The following PACSIN2 variants were observed in gnomAD, a reference collection of about 807,000 sequenced individuals.
PACSIN2 encodes protein kinase C and casein kinase substrate in neurons protein 2.
In PACSIN2, 25 loss-of-function variants were observed where a neutral mutation model predicts 63.8. The ratio of observed to expected loss-of-function variants is 0.39; its 90% CI spans 0.29 to 0.55. The LOEUF (loss-of-function observed/expected upper bound fraction) is 0.55. Ranked by LOEUF, PACSIN2 falls within the 20% of genes least tolerant of loss-of-function variation. The pLI is 0.62. For synonymous variants in PACSIN2, 255 were observed against 256.2 expected (o/e 1.00, Z 0.05); for missense variants, 518 against 646.9 (o/e 0.80, Z 2.16).
At chr22:42,919,583 G>T (rs571404770) in intron 1 of PACSIN2, among the ~76,000 whole-genome samples, 2 of 152,034 alleles carry the variant, frequency 1.3e-5, no homozygotes, top group South Asian at 4.2e-4. Flanking sequence ...GACCAGCCTG[G>T]CCAACATGGT....
At chr22:42,879,251 G>T in intron 7 of PACSIN2, 82 bp from the exon 8 acceptor site, 1 of 1,477,162 alleles carries the variant, frequency 6.8e-7, no homozygotes, top group Non-Finnish European at 9.2e-7. Context: ...CCTGCCCAGC[G>T]AGCCTGCAGT....
chr22:42,992,267 T>C (rs995664010), intron 1 of PACSIN2, among the ~76,000 whole-genome samples: 3 of 152,194 alleles, frequency 2.0e-5, no homozygotes, highest in Non-Finnish European at 4.4e-5. Flanking sequence ...AAAGACTACA[T>C]GTACCAAGTG....
In PACSIN2 at chr22:42,922,184, G is replaced by A. The variant is rs1226979266; in HGVS notation, c.-77-10027C>T. Among the ~76,000 whole-genome samples, 3 of 152,218 alleles carry A rather than the reference G, an allele frequency of 2.0e-5. No individual in the cohort carries two copies. In the East Asian group the frequency reaches 5.8e-4, roughly 29 times the overall value. The stretch of plus-strand genomic sequence containing the variant: ...AGCCATTCCTTAGATGGTGTGCAGA[G>A]TCTCAGAGGTTAACAGAGGTTGCTA... On this transcript the variant is annotated intron_variant, in intron 1 of 10. Transcript: ENST00000263246.
chr22:42,997,628 G>A (rs1248876969), intron 1 of PACSIN2, among the ~76,000 whole-genome samples: 1 of 151,812 alleles, frequency 6.6e-6, no homozygotes, highest in East Asian at 1.9e-4. Context: ...TGAATTGCAT[G>A]CAAAAATGTC....
At chr22:42,991,883 C>A (rs1923072667) in intron 1 of PACSIN2, among the ~76,000 whole-genome samples, 1 of 150,758 alleles carries the variant, frequency 6.6e-6, no homozygotes, top group Non-Finnish European at 1.5e-5. Context: ...GGATCACAGG[C>A]CTAAATGTAA....
intron 1 of PACSIN2, among the ~76,000 whole-genome samples, chr22:42,976,450 C>T (rs1008638127): frequency 6.6e-6 from 1 of 152,142 alleles, no homozygotes; most frequent in African/African-American, 2.4e-5. Flanking sequence ...CCTGACAAGT[C>T]CACAGGATCA....
intron 1 of PACSIN2, among the ~76,000 whole-genome samples, chr22:42,916,023 G>A (rs1931782822): frequency 6.6e-6 from 1 of 152,194 alleles, no homozygotes; most frequent in African/African-American, 2.4e-5. Flanking sequence ...GGGAAGGCCT[G>A]GGATGGTGGA....
intron 1 of PACSIN2, among the ~76,000 whole-genome samples, chr22:42,926,389 C>G (rs1932537172): frequency 6.6e-6 from 1 of 152,052 alleles, no homozygotes; most frequent in Non-Finnish European, 1.5e-5. Context: ...AAAAAAACAG[C>G]CAGCATCTCC....
At chr22:42,919,636 G>C (rs1932032571) in intron 1 of PACSIN2, among the ~76,000 whole-genome samples, 4 of 151,866 alleles carry the variant, frequency 2.6e-5, no homozygotes, top group Admixed American at 6.6e-5. Flanking sequence ...AGCTGGGTGT[G>C]GTAGCATGCG....
chr22:42,941,108 A>G (rs746172279), intron 1 of PACSIN2, among the ~76,000 whole-genome samples: 10 of 152,186 alleles, frequency 6.6e-5, no homozygotes, highest in Non-Finnish European at 1.0e-4. Context: ...GGATTTGCCT[A>G]TGCTGGACAT....
intron 1 of PACSIN2, among the ~76,000 whole-genome samples, chr22:42,972,563 A>C (rs1322102455): frequency 6.6e-6 from 1 of 152,152 alleles, no homozygotes; most frequent in African/African-American, 2.4e-5. Context: ...ATAGTTCCTT[A>C]TACATCTAGG....
At chr22:42,910,150 T>C (rs149922876) in intron 2 of PACSIN2, among the ~76,000 whole-genome samples, 33 of 152,248 alleles carry the variant, frequency 2.2e-4, no homozygotes, top group Non-Finnish European at 2.5e-4. Context: ...TCCAAAGCAA[T>C]GTCTTCACCT....
At chr22:42,910,225 C>G (rs1396071838) in intron 2 of PACSIN2, among the ~76,000 whole-genome samples, 1 of 152,174 alleles carries the variant, frequency 6.6e-6, no homozygotes, top group African/African-American at 2.4e-5. Context: ...CTTGTCCTGT[C>G]TGCACCACCA....
intron 1 of PACSIN2, among the ~76,000 whole-genome samples, chr22:43,014,745 C>T (rs1333434209): frequency 6.6e-6 from 1 of 151,602 alleles, no homozygotes; most frequent in African/African-American, 2.4e-5. Context: ...GCTCCCACAG[C>T]GCCGCCCCCA....
At chr22:42,953,077 G>C (rs1216031690) in intron 1 of PACSIN2, among the ~76,000 whole-genome samples, 2 of 152,096 alleles carry the variant, frequency 1.3e-5, no homozygotes, top group East Asian at 3.9e-4. Context: ...AATCTAAATA[G>C]CATTAGCTGT....
intron 1 of PACSIN2, among the ~76,000 whole-genome samples, chr22:42,934,172 T>C (rs1442160792): frequency 2.6e-5 from 4 of 152,228 alleles, no homozygotes; most frequent in African/African-American, 9.6e-5. Context: ...GTTTTAGAGT[T>C]GAGATGGGAG....
At chr22:42,982,016 T>G (rs1279593687) in intron 1 of PACSIN2, among the ~76,000 whole-genome samples, 2 of 81,276 alleles carry the variant, frequency 2.5e-5, no homozygotes, top group African/African-American at 4.8e-5. Context: ...TCAGCCCCCC[T>G]TCCGGCCGGC....
intron 1 of PACSIN2, among the ~76,000 whole-genome samples, chr22:42,965,235 T>C (rs919062928): frequency 1.3e-5 from 2 of 151,950 alleles, no homozygotes; most frequent in East Asian, 1.9e-4. Context: ...GCAAAACCAA[T>C]CTACAGTGAC....
chr22:42,990,802 G>A (rs905838690), intron 1 of PACSIN2, among the ~76,000 whole-genome samples: 1 of 150,334 alleles, frequency 6.7e-6, no homozygotes, highest in African/African-American at 2.5e-5. Context: ...AGAACATGAA[G>A]ATGTGGAAGA....
Sources: gnomAD v4.1 joint callset for allele counts (sites outside exome capture counted in the v4.1 genomes callset) on GRCh38, gnomAD v4.1.1 for gene constraint, MANE v1.5 for transcripts, NCBI Gene and HGNC (gene_info 2026-07-23, HGNC 2026-07-21) for gene names.